CNTN4: variants seen among roughly 807,000 people sequenced by gnomAD.
CNTN4 encodes contactin-4.
In CNTN4, 77 loss-of-function variants were observed where a neutral mutation model predicts 122.5. The ratio of observed to expected loss-of-function variants is 0.63; its 90% confidence interval spans 0.52 to 0.76. The LOEUF is 0.76. Among genes scored for constraint, CNTN4 ranks in the 30% least tolerant of loss-of-function variants. The pLI is 0.00. For missense variants in CNTN4, 1,256 were observed against 1,259.1 expected (o/e 1.00, Z 0.04); for synonymous variants, 512 against 447.0 (o/e 1.15, Z -1.83).
intron 4 of CNTN4, among the ~76,000 whole-genome samples, chr3:2,714,235 A>G (rs1210248851): frequency 6.6e-6 from 1 of 152,200 alleles, no homozygotes; most frequent in African/African-American, 2.4e-5. Flanking sequence ...ATTATTCAGT[A>G]CTATTTATAA....
intron 3 of CNTN4, among the ~76,000 whole-genome samples, chr3:2,466,338 T>G (rs1017943449): frequency 2.1e-4 from 32 of 152,296 alleles, no homozygotes; most frequent in African/African-American, 7.7e-4. Flanking sequence ...AAAGTATGCA[T>G]ATGTGAAACA....
intron 13 of CNTN4, among the ~76,000 whole-genome samples, chr3:2,942,927 G>A (rs2094630449): frequency 6.6e-6 from 1 of 152,132 alleles, no homozygotes; most frequent in South Asian, 2.1e-4. Context: ...CTAAGTGGAT[G>A]TAAGACTTTA....
intron 7 of CNTN4, among the ~76,000 whole-genome samples, chr3:2,844,612 G>T (rs1187095717): frequency 6.6e-6 from 1 of 152,010 alleles, no homozygotes; most frequent in African/African-American, 2.4e-5. Flanking sequence ...TATCTGTATT[G>T]GTCTGCCATC....
At chr3:2,618,674 T>C (rs1274462007) in intron 4 of CNTN4, among the ~76,000 whole-genome samples, 2 of 152,196 alleles carry the variant, frequency 1.3e-5, no homozygotes, top group Non-Finnish European at 2.9e-5. Flanking sequence ...GAGTCATTGC[T>C]CTTATTTAAT....
chr3:2,488,107 C>T (rs114661271), intron 3 of CNTN4, among the ~76,000 whole-genome samples: 230 of 152,310 alleles, frequency 1.5e-3, no homozygotes, highest in African/African-American at 5.1e-3. Context: ...CTTCCTTGGG[C>T]ATTAGCCAGA....
chr3:2,703,257 TTGAA>T (rs2086458827), intron 4 of CNTN4, among the ~76,000 whole-genome samples: 1 of 152,158 alleles, frequency 6.6e-6, no homozygotes, highest in Non-Finnish European at 1.5e-5. Flanking sequence ...AGAGCTAAGA[TTGAA>T]TGAATGAGTA....
At chr3:2,798,366 A>ATCTACCTACCTATCT in intron 6 of CNTN4, among the ~76,000 whole-genome samples, 1 of 135,464 alleles carries the variant, frequency 7.4e-6, no homozygotes, top group East Asian at 2.1e-4. Context: ...TACACACATA[A>ATCTACCTACCTATCT]ATCTATCTAT....
At chr3:2,664,374 A>C (rs535310800) in intron 4 of CNTN4, among the ~76,000 whole-genome samples, 1 of 152,168 alleles carries the variant, frequency 6.6e-6, no homozygotes, top group South Asian at 2.1e-4. Flanking sequence ...CTTTATTTGC[A>C]GATGGTCACA....
At chr3:3,039,102 T>C (rs1386383532) in intron 19 of CNTN4, 99 bp downstream of exon 19, 12 of 1,061,416 alleles carry the variant, frequency 1.1e-5, no homozygotes, top group Non-Finnish European at 1.6e-5. Flanking sequence ...TCCTCTGTTT[T>C]TAACAGTGAA....
chr3:2,336,603 C>G (rs978024848), intron 2 of CNTN4, among the ~76,000 whole-genome samples: 10 of 152,104 alleles, frequency 6.6e-5, no homozygotes, highest in Non-Finnish European at 1.5e-5. Context: ...TTGTAATATA[C>G]AGAAACTTAA....
At position 2,863,145 on chromosome 3, in the gene CNTN4, T is replaced by C. The variant is rs111724141; in HGVS notation, c.455-3607T>C. Among the ~76,000 whole-genome samples the C allele has an allele frequency of 1.4e-4, 21 of 152,332 alleles. 1 individual carries two copies. The highest frequency in any genetic ancestry group is 5.0e-4 in the African/African-American group (21 of 41,590). ...TGATGTCTACATTCTCATTACATTA[T>C]ATTCCTCCTGCTCCTTCCTGATTGC... On this transcript the variant is annotated intron_variant, in intron 7 of 24. Transcript: ENST00000418658.
At chr3:2,587,048 C>G (rs1254143244) in intron 4 of CNTN4, among the ~76,000 whole-genome samples, 3 of 152,012 alleles carry the variant, frequency 2.0e-5, no homozygotes, top group African/African-American at 4.8e-5. Context: ...TGTTCATTTC[C>G]CTCTGAGTTA....
intron 4 of CNTN4, among the ~76,000 whole-genome samples, chr3:2,680,480 G>T (rs138086290): frequency 4.9e-4 from 74 of 152,246 alleles, no homozygotes; most frequent in Non-Finnish European, 9.1e-4. Context: ...ACTGCAAATG[G>T]GTAGACACTT....
intron 3 of CNTN4, among the ~76,000 whole-genome samples, chr3:2,501,334 C>T (rs1248413877): frequency 1.3e-5 from 2 of 152,180 alleles, no homozygotes; most frequent in Non-Finnish European, 2.9e-5. Flanking sequence ...CATTTGTTAA[C>T]AGATTTTACC....
chr3:2,590,888 T>C (rs914401136), intron 4 of CNTN4, among the ~76,000 whole-genome samples: 2 of 152,114 alleles, frequency 1.3e-5, no homozygotes, highest in Admixed American at 1.3e-4. Context: ...AAAAGCTGTA[T>C]TGAAGTATAA....
chr3:2,956,996 T>A (rs2124939248), intron 13 of CNTN4, among the ~76,000 whole-genome samples: 1 of 152,294 alleles, frequency 6.6e-6, no homozygotes, highest in East Asian at 1.9e-4. Flanking sequence ...TGAGTAATAG[T>A]CCGCTGTACA....
At chr3:2,357,788 C>G (rs1159755240) in intron 3 of CNTN4, among the ~76,000 whole-genome samples, 1 of 152,160 alleles carries the variant, frequency 6.6e-6, no homozygotes, top group Non-Finnish European at 1.5e-5. Context: ...CGTAATTTAG[C>G]TTTGATTAAT....
intron 3 of CNTN4, among the ~76,000 whole-genome samples, chr3:2,395,940 T>C (rs988141297): frequency 2.6e-5 from 4 of 152,178 alleles, no homozygotes; most frequent in Non-Finnish European, 5.9e-5. Context: ...TGTGAATTCT[T>C]GTGCTTACCC....
At chr3:2,758,461 A>G (rs1010663225) in intron 6 of CNTN4, among the ~76,000 whole-genome samples, 2 of 151,386 alleles carry the variant, frequency 1.3e-5, no homozygotes, top group Non-Finnish European at 2.9e-5. Context: ...AGTCTTTCTC[A>G]TTCACCTAGA....
Sources: allele counts gnomAD v4.1 joint callset (sites outside exome capture counted in the v4.1 genomes callset), GRCh38; gene constraint gnomAD v4.1.1; transcripts MANE v1.5; gene names NCBI Gene and HGNC (gene_info 2026-07-23, HGNC 2026-07-21).